The following CRK variants were observed in gnomAD, a reference collection of about 807,000 sequenced individuals.
CRK encodes CRK proto-oncogene, adaptor protein, also known as adapter molecule crk.
Under a neutral mutation model 29.8 loss-of-function variants are expected in CRK, and 4 were observed. That is an observed-to-expected ratio of 0.13 (90% confidence interval 0.07 to 0.31). The LOEUF (loss-of-function observed/expected upper bound fraction) is 0.31. Among genes scored for constraint, CRK ranks in the 10% least tolerant of loss-of-function variants. The pLI, the probability that CRK is intolerant of heterozygous loss-of-function variation, is 1.00. For synonymous variants in CRK, 153 were observed against 164.9 expected (o/e 0.93, Z 0.55); for missense variants, 274 against 396.5 (o/e 0.69, Z 2.62).
At chr17:1,454,320 C>T (rs1222818316) in intron 1 of CRK, among the ~76,000 whole-genome samples, 1 of 152,198 alleles carries the variant, frequency 6.6e-6, no homozygotes, top group Non-Finnish European at 1.5e-5. Flanking sequence ...GCTGGTGGAT[C>T]ACCTGAGGTC....
chr17:1,434,134 A>G (rs779467784), intron 2 of CRK, among the ~76,000 whole-genome samples: 2 of 152,058 alleles, frequency 1.3e-5, no homozygotes, highest in Non-Finnish European at 2.9e-5. Flanking sequence ...CTTTACAGAA[A>G]AGGTTTGCAG....
intron 1 of CRK, among the ~76,000 whole-genome samples, chr17:1,449,388 A>G (rs370619176): frequency 6.6e-6 from 1 of 152,120 alleles, no homozygotes; most frequent in African/African-American, 2.4e-5. Flanking sequence ...CCCACACCTC[A>G]GTTATGTTAT....
At chr17:1,432,853 G>T (rs911621251) in intron 2 of CRK, among the ~76,000 whole-genome samples, 1 of 151,220 alleles carries the variant, frequency 6.6e-6, no homozygotes, top group Non-Finnish European at 1.5e-5. Flanking sequence ...CTATCAAGTA[G>T]AATGGTGGAC....
chr17:1,439,431 T>G (rs1035558801), intron 1 of CRK, among the ~76,000 whole-genome samples: 1 of 152,138 alleles, frequency 6.6e-6, no homozygotes, highest in African/African-American at 2.4e-5. Flanking sequence ...TGCAAACCTT[T>G]AACTCCCACT....
chr17:1,441,720 G>A (rs191346394), intron 1 of CRK, among the ~76,000 whole-genome samples: 1 of 152,066 alleles, frequency 6.6e-6, no homozygotes, highest in African/African-American at 2.4e-5. Flanking sequence ...TACAACTCCT[G>A]ACCTCGTGAT....
At chr17:1,428,813 C>T (rs554872248) in intron 2 of CRK, among the ~76,000 whole-genome samples, 31 of 151,134 alleles carry the variant, frequency 2.1e-4, no homozygotes, top group Non-Finnish European at 3.2e-4. Context: ...TGAGCCACCA[C>T]GCCCGGCTCA....
Position 1,456,029 on chromosome 17 carries a change from T to C in CRK, c.89A>G (p.Gln30Arg). 6.3e-7 allele frequency: 1 copy of C among 1,596,710 alleles called. No homozygotes were observed. The highest frequency in any genetic ancestry group is 8.5e-7 in the Non-Finnish European group (1 of 1,173,556). ...CCGCACCAGGAACACCCCGTGCCGC[T>C]GGCCCTGCAGCAGCGCCACCGCCTC... ...RQEAVALLQGQRHGVFLVRDS... is the reference protein window; with the variant it reads ...RQEAVALLQGRRHGVFLVRDS... The change falls in exon 1 of 3, where the codon CAG (glutamine) becomes CGG (arginine). Residue 30 changes from glutamine (Q) to arginine (R), a missense_variant. Gln to Arg is a conservative substitution (Grantham distance 43). Transcript: ENST00000300574.
intron 1 of CRK, among the ~76,000 whole-genome samples, chr17:1,438,957 A>C (rs34490967): frequency 0.56 from 84,612 of 151,678 alleles, 24,045 homozygotes; most frequent in South Asian, 0.64. Context: ...ACCCAGCCTC[A>C]CGAATAGCTT....
At position 1,422,356 on chromosome 17, in the gene CRK, G is replaced by T. The variant is rs1173079998; in HGVS notation, c.*1157C>A. The T allele has an allele frequency of 1.3e-5, 2 of 151,704 alleles. No homozygotes were observed. The highest frequency in any genetic ancestry group is 4.8e-5 in the African/African-American group (2 of 41,266). 9.4% of individuals were successfully genotyped at this position (151,704 alleles called of 1,614,324 possible). ...TTTTTTATATCTTTAGCAGAGATGG[G>T]GTTTCACTATGTTGGCCAGGCTGGT... On this transcript the variant is annotated 3_prime_UTR_variant, in exon 3 of 3. Transcript: ENST00000300574.
At chr17:1,455,492 T>G (rs1167232356) in intron 1 of CRK, among the ~76,000 whole-genome samples, 1 of 152,088 alleles carries the variant, frequency 6.6e-6, no homozygotes, top group Non-Finnish European at 1.5e-5. Flanking sequence ...ACTTGTAGGA[T>G]TATCGGATTC....
At chr17:1,453,123 C>A (rs1228188865) in intron 1 of CRK, among the ~76,000 whole-genome samples, 1 of 152,076 alleles carries the variant, frequency 6.6e-6, no homozygotes, top group African/African-American at 2.4e-5. Flanking sequence ...AAAAAGACAG[C>A]AACTGAATCG....
chr17:1,444,598 G>T (rs997710432), intron 1 of CRK, among the ~76,000 whole-genome samples: 7 of 144,762 alleles, frequency 4.8e-5, no homozygotes, highest in African/African-American at 1.2e-4. Context: ...GCCGAAGCGG[G>T]GGGGGGGATC....
chr17:1,447,490 T>G (rs1283876635), intron 1 of CRK, among the ~76,000 whole-genome samples: 1 of 152,100 alleles, frequency 6.6e-6, no homozygotes, highest in Non-Finnish European at 1.5e-5. Flanking sequence ...ACTCCCTCCC[T>G]GAAGGTTTCA....
intron 1 of CRK, among the ~76,000 whole-genome samples, chr17:1,453,806 C>G (rs2074036375): frequency 6.6e-6 from 1 of 152,140 alleles, no homozygotes; most frequent in Non-Finnish European, 1.5e-5. Flanking sequence ...ACTAGGGAGG[C>G]TGAGACAGGA....
chr17:1,449,104 A>G (rs2073998763), intron 1 of CRK, among the ~76,000 whole-genome samples: 1 of 152,104 alleles, frequency 6.6e-6, no homozygotes, highest in Admixed American at 6.6e-5. Context: ...GGAGTATCAC[A>G]AACTATTACC....
chr17:1,449,205 G>A (rs1328375871), intron 1 of CRK, among the ~76,000 whole-genome samples: 1 of 152,082 alleles, frequency 6.6e-6, no homozygotes, highest in Non-Finnish European at 1.5e-5. Flanking sequence ...GCAGGTAACA[G>A]GAGGCACCAT....
chr17:1,440,950 G>T (rs1426590929), intron 1 of CRK, among the ~76,000 whole-genome samples: 1 of 152,132 alleles, frequency 6.6e-6, no homozygotes, highest in African/African-American at 2.4e-5. Context: ...TGGCTTTGTT[G>T]TTGTCTTGTG....
At chr17:1,429,893 C>T (rs1217435961) in intron 2 of CRK, among the ~76,000 whole-genome samples, 6 of 151,404 alleles carry the variant, frequency 4.0e-5, no homozygotes, top group Non-Finnish European at 7.4e-5. Context: ...ACTGGGCACC[C>T]TTGCTTGGGG....
At position 1,422,928 on chromosome 17, in the gene CRK, G is replaced by C. The variant is rs1234064626; in HGVS notation, c.*585C>G. Reference sequence around the variant, plus strand: ...ATGTCAAGGGCTAAAAGAATCCCAAGAAAAAGTATGAAGCATTGACTAGGA... The same window carrying C: ...ATGTCAAGGGCTAAAAGAATCCCAACAAAAAGTATGAAGCATTGACTAGGA... On this transcript the variant is annotated 3_prime_UTR_variant, in exon 3 of 3. Transcript: ENST00000300574. 3 of 398,880 alleles carry C rather than the reference G, an allele frequency of 7.5e-6. No homozygotes were observed. Among genetic ancestry groups the C allele is most frequent in the Non-Finnish European group, 8.8e-6 (2 of 226,118 alleles). 24.7% of individuals were successfully genotyped at this position (398,880 alleles called of 1,614,324 possible).
Sources: gnomAD v4.1 joint callset for allele counts (sites outside exome capture counted in the v4.1 genomes callset) on GRCh38, gnomAD v4.1.1 for gene constraint, MANE v1.5 for transcripts, NCBI Gene and HGNC (gene_info 2026-07-23, HGNC 2026-07-21) for gene names.